Variants in DRC3 observed in about 807,000 individuals in gnomAD.
DRC3 encodes leucine rich repeat containing 48.
DRC3 carries 45 observed loss-of-function variants against 57.6 expected under a neutral mutation model. The observed-to-expected ratio is 0.78, with a 90% CI of 0.62 to 1.00. The LOEUF (loss-of-function observed/expected upper bound fraction) is 1.00. Ranked by LOEUF, DRC3 falls within the 50% of genes least tolerant of loss-of-function variation. DRC3 has a pLI of 0.00. For missense variants in DRC3, 655 were observed against 675.2 expected, an observed-to-expected ratio of 0.97 and a Z score of 0.33; for synonymous variants, 257 against 272.3, an observed-to-expected ratio of 0.94 and a Z score of 0.55.
chr17:18,012,413 C>T (rs998495217), intron 12 of DRC3, among the ~76,000 whole-genome samples: 2 of 152,194 alleles, frequency 1.3e-5, no homozygotes, highest in Non-Finnish European at 2.9e-5. Flanking sequence ...GGCGCAGTGG[C>T]TCATGCCTGT....
chr17:17,994,599 C>CAGATGGTCTGGGTCTG (rs1179533980), intron 7 of DRC3, among the ~76,000 whole-genome samples, 181 bp downstream of exon 7: 1 of 152,178 alleles, frequency 6.6e-6, no homozygotes, highest in Non-Finnish European at 1.5e-5. Context: ...GGGCCAGCTC[C>CAGATGGTCTGGGTCTG]GTCTCAGTCC....
intron 3 of DRC3, among the ~76,000 whole-genome samples, chr17:17,978,866 A>G (rs903043143): frequency 6.6e-6 from 1 of 152,252 alleles, no homozygotes; most frequent in Non-Finnish European, 1.5e-5. Context: ...CATGCCAGGT[A>G]CTGTTCTGAG....
intron 12 of DRC3, 137 bp downstream of exon 12, chr17:18,007,284 C>G (rs751572649): frequency 9.6e-6 from 11 of 1,141,100 alleles, no homozygotes; most frequent in Non-Finnish European, 1.3e-5. Context: ...CACTAACCTG[C>G]TTTACAGGGT....
chr17:17,982,719 C>T lies in DRC3; in HGVS notation c.161-1109C>T, dbSNP rs565119192. On this transcript the variant is annotated intron_variant, in intron 3 of 13. Coordinates refer to ENST00000399187, the MANE Select transcript of DRC3 (RefSeq NM_031294.4). ...CCTCCCAAGTAGCTGGGACTACAGA[C>T]GTGCACCACCACGCCCAGCCAATTT... Among the ~76,000 whole-genome samples the T allele has an allele frequency of 8.0e-5, 12 of 149,162 alleles. No homozygotes were observed. The South Asian group carries it at 8.7e-4, about 11-fold the overall frequency.
intron 4 of DRC3, among the ~76,000 whole-genome samples, chr17:17,987,214 CAAAAAAAAAA>C (rs1046062123): frequency 1.8e-3 from 81 of 45,208 alleles, no homozygotes; most frequent in African/African-American, 6.9e-3. Context: ...GACCCTGTCT[CAAAAAAAAAA>C]AAAAAAAAAA....
intron 9 of DRC3, among the ~76,000 whole-genome samples, chr17:17,999,726 C>T (rs1345038534): frequency 1.3e-5 from 2 of 152,252 alleles, no homozygotes; most frequent in Non-Finnish European, 2.9e-5. Flanking sequence ...GAGATAACCA[C>T]CTTGAAGAAC....
chr17:17,983,391 C>A (rs548071712), intron 3 of DRC3, among the ~76,000 whole-genome samples: 2 of 152,276 alleles, frequency 1.3e-5, no homozygotes, highest in East Asian at 3.9e-4. Context: ...CTGAATGAGG[C>A]AATCAACCCT....
chr17:17,997,050 T>G (rs78421306), intron 8 of DRC3, among the ~76,000 whole-genome samples: 6,466 of 152,094 alleles, frequency 0.043, 135 homozygotes, highest in African/African-American at 0.051. Context: ...CCCTTCCAGA[T>G]AGCACACCAG....
intron 12 of DRC3, chr17:18,007,680 A>T: frequency 7.5e-7 from 1 of 1,338,188 alleles, no homozygotes. Flanking sequence ...GCTCTCCCGG[A>T]TGTCTGCGCT....
intron 12 of DRC3, among the ~76,000 whole-genome samples, chr17:18,009,310 G>A (rs1347719203): frequency 6.6e-6 from 1 of 152,182 alleles, no homozygotes; most frequent in Admixed American, 6.5e-5. Context: ...TTGGGAGACT[G>A]AGGTTGGAGG....
intron 3 of DRC3, among the ~76,000 whole-genome samples, chr17:17,978,150 G>A (rs959752151): frequency 8.5e-5 from 13 of 152,194 alleles, no homozygotes; most frequent in Admixed American, 6.5e-4. Context: ...GGAAGTGTGG[G>A]AGAATGAGAG....
Position 18,007,135 on chromosome 17 carries a change from C to T in DRC3, c.1314C>T (p.Asn438=), listed in dbSNP as rs781708878. ...GCGACCTGGACGAGGACCTGCCTAA[C>T]GACCTGCGCGCGGTAGGCGGGGCGG... ...VEGDLDEDLP[N]DLRALFVDKD... is the part of the protein sequence containing the mutation. Residue 438 remains asparagine (N), a synonymous_variant, in exon 12 of 14, where the codon AAC becomes AAT. Transcript: ENST00000399187. The T allele has an allele frequency of 2.0e-6, 2 of 1,000,706 alleles. No individual in the cohort carries two copies. The highest frequency in any genetic ancestry group is 2.5e-6 in the Non-Finnish European group (2 of 811,722). The allele number at this position is 1,000,706 out of a possible 1,614,324, so 62.0% of individuals were successfully genotyped here.
At chr17:17,994,646 C>T (rs1045790208) in intron 7 of DRC3, among the ~76,000 whole-genome samples, 9 of 152,308 alleles carry the variant, frequency 5.9e-5, no homozygotes, top group South Asian at 4.1e-4. Flanking sequence ...ATTCCTGCCT[C>T]CAGCTGCTGG....
rs1332025078 is a variant in DRC3 at position 17,987,145 on chromosome 17, G to A, written c.278-787G>A. On this transcript the variant is annotated intron_variant, in intron 4 of 13. Transcript: ENST00000399187. ...CAGGAGGATCACTTGAACCCAGGAGGTCAAGGATGCAATGAACCGTGATTG... is the reference window on the plus strand; with the variant it reads ...CAGGAGGATCACTTGAACCCAGGAGATCAAGGATGCAATGAACCGTGATTG... Among the ~76,000 whole-genome samples the A allele has an allele frequency of 1.3e-4, 18 of 141,676 alleles. No homozygotes were observed. In the Admixed American group the frequency reaches 1.4e-3, roughly 11 times the overall value. The allele number at this position is 141,676 out of a possible 152,430, so 92.9% of individuals were successfully genotyped here. A position where few individuals can be genotyped will look rare whatever the true frequency, so the allele number is the denominator to read the frequency against.
chr17:17,984,176 A>G (rs2042847119), intron 4 of DRC3, among the ~76,000 whole-genome samples: 1 of 152,138 alleles, frequency 6.6e-6, no homozygotes, highest in Non-Finnish European at 1.5e-5. Context: ...AGACCACAGA[A>G]TATTCTGCTC....
At chr17:18,014,284 C>T (rs2044278213) in intron 12 of DRC3, among the ~76,000 whole-genome samples, 1 of 152,206 alleles carries the variant, frequency 6.6e-6, no homozygotes, top group African/African-American at 2.4e-5. Flanking sequence ...TTTACAGCCA[C>T]AAGGACCACA....
intron 12 of DRC3, 158 bp downstream of exon 12, chr17:18,007,305 TA>T: frequency 1.5e-6 from 2 of 1,291,112 alleles, no homozygotes; most frequent in Non-Finnish European, 2.2e-6. Context: ...TGCTGGCAGA[TA>T]AAATAGGCTA....
intron 12 of DRC3, among the ~76,000 whole-genome samples, chr17:18,011,111 C>T (rs2145445403): frequency 6.6e-6 from 1 of 152,292 alleles, no homozygotes; most frequent in Middle Eastern, 3.4e-3. Context: ...GCATGCGCCA[C>T]CATGCCCAGC....
At chr17:17,997,902 G>A (rs576052624) in intron 9 of DRC3, among the ~76,000 whole-genome samples, 1 of 152,316 alleles carries the variant, frequency 6.6e-6, no homozygotes, top group East Asian at 1.9e-4. Flanking sequence ...GGGATTCAAG[G>A]TCGGCCCTAC....
Sources: gnomAD v4.1 joint callset for allele counts (sites outside exome capture counted in the v4.1 genomes callset) on GRCh38, gnomAD v4.1.1 for gene constraint, MANE v1.5 for transcripts, NCBI Gene and HGNC (gene_info 2026-07-23, HGNC 2026-07-21) for gene names.